NCAPH: variants seen among roughly 807,000 people sequenced by gnomAD.
NCAPH encodes the protein condensin complex subunit 2.
NCAPH carries 38 observed loss-of-function variants against 85.5 expected under a neutral mutation model. That is an observed-to-expected ratio of 0.44 (90% CI 0.34 to 0.58). The LOEUF (loss-of-function observed/expected upper bound fraction) is 0.58. Among genes scored for constraint, NCAPH ranks in the 20% least tolerant of loss-of-function variants. The probability of loss-of-function intolerance (pLI) is 0.01; values close to 1 mark genes in which losing one functional copy is unlikely to be tolerated. For synonymous variants in NCAPH, 301 were observed against 335.1 expected (o/e 0.90, Z 1.11); for missense variants, 789 against 916.6 (o/e 0.86, Z 1.80).
At chr2:96,367,460 C>A in intron 15 of NCAPH, 87 bp downstream of exon 15, 1 of 866,326 alleles carries the variant, frequency 1.2e-6, no homozygotes, top group Non-Finnish European at 1.9e-6. Context: ...TCGATTTGGG[C>A]AATGCCTCCA....
At chr2:96,343,437 C>A in intron 5 of NCAPH, 133 bp downstream of exon 5, 1 of 1,067,358 alleles carries the variant, frequency 9.4e-7, no homozygotes, top group Non-Finnish European at 1.3e-6. Flanking sequence ...TTTTTAGAAC[C>A]ATATATGGTC....
Position 96,351,858 on chromosome 2 carries a change from G to A in NCAPH, c.748G>A (p.Ala250Thr). 3.1e-6 allele frequency: 5 copies of A among 1,606,728 alleles called. No individual in the cohort carries two copies. Among genetic ancestry groups the A allele is most frequent in the Non-Finnish European group, 4.2e-6 (5 of 1,177,722 alleles). The stretch of plus-strand genomic sequence containing the variant: ...TGATCCCATGTTTCAGAAGACAGCA[G>A]CCTCATTTGATGAGTGCAGCACAGC... ...EIDPMFQKTA[A>T]SFDECSTAGV... The change falls in exon 7 of 18, where the codon GCC becomes ACC. Residue 250 changes from alanine (A) to threonine (T), a missense_variant. Transcript: ENST00000240423.
chr2:96,342,257 C>T, intron 3 of NCAPH, 117 bp downstream of exon 3: 1 of 998,620 alleles, frequency 1.0e-6, no homozygotes, highest in South Asian at 1.4e-5. Context: ...GGTGAGTCAT[C>T]TTAGTGCTGG....
chr2:96,358,973 G>A (rs1300223524), intron 9 of NCAPH, 72 bp from the exon 10 acceptor site: 13 of 1,419,442 alleles, frequency 9.2e-6, no homozygotes, highest in East Asian at 4.7e-5. Context: ...GCTCATTTGC[G>A]GACATATGCT....
At chr2:96,340,571 A>G (rs542921283) in intron 1 of NCAPH, among the ~76,000 whole-genome samples, 1 of 151,730 alleles carries the variant, frequency 6.6e-6, no homozygotes, top group East Asian at 1.9e-4. Flanking sequence ...TTGTATTTTT[A>G]GTGGAGACGG....
intron 8 of NCAPH, 108 bp from the exon 9 acceptor site, chr2:96,354,075 A>G: frequency 1.9e-6 from 2 of 1,076,326 alleles, no homozygotes; most frequent in South Asian, 1.5e-5. Context: ...GCTCAGGGGA[A>G]GGAGGAGGCT....
chr2:96,355,944 C>G (rs4414721), intron 9 of NCAPH, among the ~76,000 whole-genome samples: 1 of 152,066 alleles, frequency 6.6e-6, no homozygotes, highest in Non-Finnish European at 1.5e-5. Flanking sequence ...ATCCTGTCTT[C>G]TAAGAAGGGA....
At chr2:96,367,519 AC>A in intron 15 of NCAPH, 146 bp downstream of exon 15, 1 of 578,470 alleles carries the variant, frequency 1.7e-6, no homozygotes, top group South Asian at 2.0e-5. Flanking sequence ...ATGGTGGCTC[AC>A]ACGTGTAATC....
intron 7 of NCAPH, among the ~76,000 whole-genome samples, chr2:96,352,661 C>G (rs907608001): frequency 6.6e-6 from 1 of 152,146 alleles, no homozygotes; most frequent in East Asian, 1.9e-4. Flanking sequence ...CTGCCCCCTC[C>G]TGCACATTTC....
intron 17 of NCAPH, among the ~76,000 whole-genome samples, chr2:96,369,774 C>T (rs924896219): frequency 5.5e-4 from 83 of 152,254 alleles, no homozygotes; most frequent in African/African-American, 1.8e-3. Context: ...CCTAAGAACA[C>T]GAGGTGCTTT....
intron 6 of NCAPH, among the ~76,000 whole-genome samples, chr2:96,346,188 C>G (rs1052373665): frequency 6.6e-6 from 1 of 152,016 alleles, no homozygotes; most frequent in Non-Finnish European, 1.5e-5. Context: ...ATGGGGGAGC[C>G]TTCTGGATAC....
intron 7 of NCAPH, among the ~76,000 whole-genome samples, 188 bp downstream of exon 7, chr2:96,352,208 G>T (rs1009066030): frequency 6.6e-6 from 1 of 152,002 alleles, no homozygotes; most frequent in South Asian, 2.1e-4. Context: ...TCTTCTCTGC[G>T]GCGTGGAGTC....
chr2:96,352,175 G>T (rs959263058), intron 7 of NCAPH, among the ~76,000 whole-genome samples, 155 bp downstream of exon 7: 3 of 152,156 alleles, frequency 2.0e-5, no homozygotes, highest in Non-Finnish European at 4.4e-5. Flanking sequence ...TTTTGGGAGT[G>T]CCTTGCAACC....
intron 6 of NCAPH, among the ~76,000 whole-genome samples, chr2:96,349,464 C>T (rs1325866989): frequency 1.3e-5 from 2 of 152,042 alleles, no homozygotes; most frequent in Non-Finnish European, 2.9e-5. Context: ...TCACTGCAAC[C>T]TCCACCTCCT....
chr2:96,351,706 C>T, intron 6 of NCAPH, 125 bp from the exon 7 acceptor site: 1 of 631,496 alleles, frequency 1.6e-6, no homozygotes, highest in Admixed American at 3.9e-5. Flanking sequence ...CCACTTTTGA[C>T]CATGAGTGGA....
At chr2:96,372,293 T>C (rs1368512434) in intron 17 of NCAPH, among the ~76,000 whole-genome samples, 1 of 151,478 alleles carries the variant, frequency 6.6e-6, no homozygotes, top group Non-Finnish European at 1.5e-5. Context: ...GATGGGGCAG[T>C]GGGGTAGTTG....
rs1235321701 is a variant in NCAPH, at chr2:96,373,686, T to A, written c.*335T>A. 5.3e-6 allele frequency: 1 copy of A among 188,058 alleles called. No individual in the cohort carries two copies. Among genetic ancestry groups the A allele is most frequent in the East Asian group, 1.2e-4 (1 of 8,018 alleles). The allele number at this position is 188,058 out of a possible 1,614,324, so 11.6% of individuals were successfully genotyped here. On this transcript the variant is annotated 3_prime_UTR_variant, in exon 18 of 18. Coordinates refer to ENST00000240423, the MANE Select transcript of NCAPH (RefSeq NM_015341.5). Reference sequence around the variant, plus strand: ...TTTAGTCTCCTAAATTGATCTGTTATTTTCCAAACTATTCTCTTGTAGAAA... The same window carrying A: ...TTTAGTCTCCTAAATTGATCTGTTAATTTCCAAACTATTCTCTTGTAGAAA...
intron 5 of NCAPH, 79 bp from the exon 6 acceptor site, chr2:96,344,026 T>G: frequency 6.5e-7 from 1 of 1,530,644 alleles, no homozygotes; most frequent in Admixed American, 2.1e-5. Context: ...TACGACAGGT[T>G]TTGAAGAACT....
At chr2:96,340,223 T>A (rs1305247309) in intron 1 of NCAPH, among the ~76,000 whole-genome samples, 1 of 152,078 alleles carries the variant, frequency 6.6e-6, no homozygotes, top group Non-Finnish European at 1.5e-5. Flanking sequence ...AGTGTTCCTC[T>A]ACTCAGTTAT....
Sources: allele counts gnomAD v4.1 joint callset (sites outside exome capture counted in the v4.1 genomes callset), GRCh38; gene constraint gnomAD v4.1.1; transcripts MANE v1.5; gene names NCBI Gene and HGNC (gene_info 2026-07-23, HGNC 2026-07-21).